The following CDH4 variants were observed in gnomAD, a reference collection of about 807,000 sequenced individuals.
CDH4 encodes cadherin 4.
CDH4 carries 33 observed loss-of-function variants against 86.0 expected under a neutral mutation model. The observed-to-expected ratio is 0.38, with a 90% CI of 0.29 to 0.51. CDH4 has a LOEUF of 0.51. Ranked by LOEUF, CDH4 falls within the 20% of genes least tolerant of loss-of-function variation. CDH4 has a pLI of 0.86. For synonymous variants in CDH4, 555 were observed against 549.4 expected, an observed-to-expected ratio of 1.01 and a Z score of -0.14; for missense variants, 1,114 against 1,307.4, an observed-to-expected ratio of 0.85 and a Z score of 2.28.
chr20:61,275,565 A>G (rs2084226344), intron 2 of CDH4, among the ~76,000 whole-genome samples: 2 of 113,668 alleles, frequency 1.8e-5, no homozygotes, highest in African/African-American at 3.6e-5. Context: ...TTGGGGGAGT[A>G]CCCTGCGCAG....
Position 61,392,810 on chromosome 20 carries a change from G to A in CDH4, c.169+137873G>A, listed in dbSNP as rs895119016. On this transcript the variant is annotated intron_variant, in intron 2 of 15. Transcript: ENST00000614565. This position sits in a 1 kb window ranked among gnomAD's most constrained non-coding sequence, Gnocchi z 5.7. ...CGGGGTAGAAACACTGGCCCCCCAC[G>A]GTGCTCTAGAAATGTCAGATGCATT... Among the ~76,000 whole-genome samples, 4 of 152,178 alleles carry A rather than the reference G, an allele frequency of 2.6e-5. No homozygotes were observed. The highest frequency in any genetic ancestry group is 1.9e-4 in the East Asian group (1 of 5,184).
chr20:61,611,256 A>G (rs1174776528), intron 2 of CDH4, among the ~76,000 whole-genome samples: 1 of 151,944 alleles, frequency 6.6e-6, no homozygotes, highest in African/African-American at 2.4e-5. Context: ...AGTTCCCATA[A>G]TCTCTAGGTC....
intron 2 of CDH4, among the ~76,000 whole-genome samples, chr20:61,481,071 C>G (rs1600704821): frequency 6.6e-6 from 1 of 152,192 alleles, no homozygotes; most frequent in Non-Finnish European, 1.5e-5. Flanking sequence ...AGCTGTCACT[C>G]TAGGCAGTGA....
chr20:61,674,038 T>C (rs2087419070), intron 2 of CDH4, among the ~76,000 whole-genome samples: 1 of 152,188 alleles, frequency 6.6e-6, no homozygotes, highest in Non-Finnish European at 1.5e-5. Flanking sequence ...AAACCTGTTT[T>C]TCACATGACT....
At chr20:61,334,976 A>T (rs1237285493) in intron 2 of CDH4, among the ~76,000 whole-genome samples, 2 of 152,182 alleles carry the variant, frequency 1.3e-5, no homozygotes, top group African/African-American at 4.8e-5. Context: ...TCCTCCAAAG[A>T]CTTCTCAGTA....
intron 2 of CDH4, among the ~76,000 whole-genome samples, chr20:61,325,260 T>C (rs1166540121): frequency 6.6e-6 from 1 of 151,842 alleles, no homozygotes; most frequent in Non-Finnish European, 1.5e-5. Context: ...AAGTCTTTCA[T>C]GTAGAAAATC....
chr20:61,878,294 T>A (rs1984133028), intron 7 of CDH4, among the ~76,000 whole-genome samples: 1 of 151,858 alleles, frequency 6.6e-6, no homozygotes, highest in South Asian at 2.1e-4. Flanking sequence ...CCTCCCCAGG[T>A]TCAATGCAGC....
At chr20:61,404,512 A>G (rs1465620975) in intron 2 of CDH4, among the ~76,000 whole-genome samples, 1 of 151,930 alleles carries the variant, frequency 6.6e-6, no homozygotes, top group Non-Finnish European at 1.5e-5. Context: ...TCGAGACTTA[A>G]TTGTGGTTAT....
chr20:61,793,699 G>A (rs1488430890), intron 4 of CDH4, among the ~76,000 whole-genome samples: 2 of 152,062 alleles, frequency 1.3e-5, no homozygotes, highest in South Asian at 2.1e-4. Flanking sequence ...AATTAGCTGG[G>A]CATGGTGGCA....
rs965784684 is a variant in CDH4, at chr20:61,810,023, A to G, written c.577-34645A>G. 6.6e-6 allele frequency among the ~76,000 whole-genome samples: 1 copy of G among 152,140 alleles called. No homozygotes were observed. The highest frequency in any genetic ancestry group is 1.5e-5 in the Non-Finnish European group (1 of 68,024). On this transcript the variant is annotated intron_variant, in intron 4 of 15. Coordinates refer to ENST00000614565, the MANE Select transcript of CDH4 (RefSeq NM_001794.5). The surrounding 1 kb of genome is among the most constrained non-coding windows in gnomAD (Gnocchi z 4.3). ...GGTGATTGCCGTGATAATCCTGCAT[A>G]ACAACCACCCATAAAACCTCAGTGA... is the stretch of plus-strand genomic sequence containing the variant.
intron 2 of CDH4, among the ~76,000 whole-genome samples, chr20:61,727,046 C>T (rs2088122439): frequency 6.6e-6 from 1 of 151,238 alleles, no homozygotes; most frequent in African/African-American, 2.4e-5. Context: ...ACCATCGCTG[C>T]TATCATCACC....
intron 2 of CDH4, among the ~76,000 whole-genome samples, chr20:61,693,793 C>T (rs548221881): frequency 6.6e-6 from 1 of 151,714 alleles, no homozygotes; most frequent in African/African-American, 2.4e-5. Flanking sequence ...TTGTATGAGG[C>T]AGGACTTGGT....
chr20:61,760,761 C>T (rs960618070), intron 3 of CDH4, among the ~76,000 whole-genome samples: 2 of 152,206 alleles, frequency 1.3e-5, no homozygotes, highest in African/African-American at 4.8e-5. Context: ...AATGATGTCG[C>T]CTTTTTATGA....
chr20:61,464,032 T>C (rs2085459648), intron 2 of CDH4, among the ~76,000 whole-genome samples: 1 of 152,206 alleles, frequency 6.6e-6, no homozygotes, highest in African/African-American at 2.4e-5. Flanking sequence ...TCCTCAGCAG[T>C]TCAGGTGCAT....
At chr20:61,657,639 A>T (rs1289491276) in intron 2 of CDH4, among the ~76,000 whole-genome samples, 1 of 152,258 alleles carries the variant, frequency 6.6e-6, no homozygotes, top group East Asian at 1.9e-4. Context: ...GGAAAGATCT[A>T]CAGAAGTTGG....
chr20:61,663,690 G>A lies in CDH4; in HGVS notation c.170-79873G>A, dbSNP rs1029235690. Among the ~76,000 whole-genome samples, 8 of 152,004 alleles carry A rather than the reference G, an allele frequency of 5.3e-5. No homozygotes were observed. Among genetic ancestry groups the A allele is most frequent in the Admixed American group, 1.3e-4 (2 of 15,272 alleles). ...GAGCAGGGAGTGCTGTCTTCCCGGCGGGAGCTGGCGGTACTGAGGAAGGAC... is the reference window on the plus strand; with the variant it reads ...GAGCAGGGAGTGCTGTCTTCCCGGCAGGAGCTGGCGGTACTGAGGAAGGAC... On this transcript the variant is annotated intron_variant, in intron 2 of 15. Coordinates refer to ENST00000614565, the MANE Select transcript of CDH4 (RefSeq NM_001794.5). The surrounding 1 kb of genome is among the most constrained non-coding windows in gnomAD (Gnocchi z 5.0).
rs115685412 is a variant in CDH4, at chr20:61,256,651, A to G, written c.169+1714A>G. On this transcript the variant is annotated intron_variant, in intron 2 of 15. Coordinates refer to ENST00000614565, the MANE Select transcript of CDH4 (RefSeq NM_001794.5). ...GTCACATGCCCCTGGGTGAATCTGG[A>G]CCAGCTCAGACATTGTGTGGACTCA... 0.016 allele frequency among the ~76,000 whole-genome samples: 2,495 copies of G among 152,254 alleles called. 120 individuals are homozygous for G. The East Asian group carries it at 0.18, about 11-fold the overall frequency.
chr20:61,753,326 G>A (rs1305623541), intron 3 of CDH4, among the ~76,000 whole-genome samples: 1 of 152,122 alleles, frequency 6.6e-6, no homozygotes, highest in African/African-American at 2.4e-5. Context: ...GCGACTCTGG[G>A]GAGCTGGGTA....
At chr20:61,702,484 G>C (rs1207383993) in intron 2 of CDH4, among the ~76,000 whole-genome samples, 1 of 152,204 alleles carries the variant, frequency 6.6e-6, no homozygotes, top group Non-Finnish European at 1.5e-5. Context: ...ACTAGCCTAG[G>C]TGCAGACGCT....
Sources: allele counts gnomAD v4.1 joint callset (sites outside exome capture counted in the v4.1 genomes callset), GRCh38; gene constraint gnomAD v4.1.1; non-coding constraint Gnocchi (gnomAD v3.1); transcripts MANE v1.5; gene names NCBI Gene and HGNC (gene_info 2026-07-23, HGNC 2026-07-21).